The following OSBP2 variants were observed in gnomAD, a reference collection of about 807,000 sequenced individuals.
OSBP2 encodes the protein oxysterol-binding protein 2.
Under a neutral mutation model 96.0 loss-of-function variants are expected in OSBP2, and 66 were observed. The ratio of observed to expected loss-of-function variants is 0.69; its 90% CI spans 0.56 to 0.84. The LOEUF (loss-of-function observed/expected upper bound fraction) is 0.84. Ranked by LOEUF, OSBP2 falls within the 40% of genes least tolerant of loss-of-function variation. The pLI, the probability that OSBP2 is intolerant of heterozygous loss-of-function variation, is 0.00. For synonymous variants in OSBP2, 525 were observed against 520.9 expected, an observed-to-expected ratio of 1.01 and a Z score of -0.11; for missense variants, 1,038 against 1,222.7, an observed-to-expected ratio of 0.85 and a Z score of 2.25.
In OSBP2 at chr22:30,893,462, G is replaced by T; in HGVS notation, c.1991-1G>T. On this transcript the variant is annotated splice_acceptor_variant, in intron 9 of 13. Coordinates refer to ENST00000332585, the MANE Select transcript of OSBP2 (RefSeq NM_030758.4). LOFTEE classifies it high-confidence loss of function. Reference sequence around the variant, plus strand: ...ACCTCTGACCTGTCCCCTGCCTCCAGGTGCCATCCACTTAGAATTCCAGGC... The same window carrying T: ...ACCTCTGACCTGTCCCCTGCCTCCATGTGCCATCCACTTAGAATTCCAGGC... 6.2e-7 allele frequency: 1 copy of T among 1,613,444 alleles called. No individual in the cohort carries two copies. Among genetic ancestry groups the T allele is most frequent in the South Asian group, 1.1e-5 (1 of 91,062 alleles).
At chr22:30,742,585 A>G (rs1469872373) in intron 2 of OSBP2, among the ~76,000 whole-genome samples, 28 of 152,204 alleles carry the variant, frequency 1.8e-4, no homozygotes, top group Non-Finnish European at 4.4e-5. Flanking sequence ...TACTTATTTC[A>G]AAATAACTGC....
At chr22:30,872,543 GT>G in intron 3 of OSBP2, 1 of 363,300 alleles carries the variant, frequency 2.8e-6, no homozygotes, top group Admixed American at 3.5e-5. Flanking sequence ...CCTGGGGTTG[GT>G]CACGATTCCT....
chr22:30,752,726 A>C (rs2090093887), intron 2 of OSBP2, among the ~76,000 whole-genome samples: 1 of 152,174 alleles, frequency 6.6e-6, no homozygotes, highest in Non-Finnish European at 1.5e-5. Flanking sequence ...CTGGAAAAGG[A>C]AAGAGATTCT....
At chr22:30,883,030 T>A (rs952296154) in intron 3 of OSBP2, among the ~76,000 whole-genome samples, 5 of 152,158 alleles carry the variant, frequency 3.3e-5, no homozygotes, top group Admixed American at 3.3e-4. Context: ...ACATGAGGTA[T>A]ATGAAAACAA....
chr22:30,785,990 T>C lies in OSBP2; in HGVS notation c.853+44621T>C, dbSNP rs139449741. On this transcript the variant is annotated intron_variant, in intron 2 of 13. Transcript: ENST00000332585. ...TACCCAGTCTCAGGTAGTATCTTTA[T>C]AGCAATATGAGAATGGACTAATACA... Among the ~76,000 whole-genome samples the C allele has an allele frequency of 6.5e-3, 985 of 151,850 alleles. 9 individuals carry two copies. The highest frequency in any genetic ancestry group is 0.022 in the African/African-American group (922 of 41,268).
At chr22:30,868,435 C>T (rs1449121822) in intron 2 of OSBP2, among the ~76,000 whole-genome samples, 2 of 152,356 alleles carry the variant, frequency 1.3e-5, no homozygotes, top group Admixed American at 6.5e-5. Flanking sequence ...GTCTGGGGGC[C>T]GCAGTTGGGC....
chr22:30,844,253 C>T lies in OSBP2; in HGVS notation c.854-26176C>T, dbSNP rs545304403. Among the ~76,000 whole-genome samples, 46 of 152,240 alleles carry T rather than the reference C, an allele frequency of 3.0e-4. 4 individuals carry two copies. Among genetic ancestry groups the T allele is most frequent in the Admixed American group, 1.5e-3 (23 of 15,280 alleles). The stretch of plus-strand genomic sequence containing the variant: ...TTAGCTTCAACTTAAAGTCACCAGC[C>T]GCATTGTCCCCTAAGAAGAGCCAAC... On this transcript the variant is annotated intron_variant, in intron 2 of 13. Coordinates refer to ENST00000332585, the MANE Select transcript of OSBP2 (RefSeq NM_030758.4).
intron 2 of OSBP2, among the ~76,000 whole-genome samples, chr22:30,848,093 A>T (rs529856490): frequency 6.6e-6 from 1 of 152,264 alleles, no homozygotes; most frequent in South Asian, 2.1e-4. Flanking sequence ...TAGTACACAG[A>T]GTTCCATTAG....
At chr22:30,902,115 AAAAAAAAAACGAAAAAAAAAAAAC>A in intron 12 of OSBP2, 1 of 131,326 alleles carries the variant, frequency 7.6e-6, no homozygotes. Context: ...TATAAGAAAA[AAAAAAAAAACGAAAAAAAAAAAAC>A]CAAAAAAAAA....
chr22:30,772,703 G>A (rs1270024319), intron 2 of OSBP2, among the ~76,000 whole-genome samples: 1 of 152,148 alleles, frequency 6.6e-6, no homozygotes, highest in African/African-American at 2.4e-5. Flanking sequence ...GCCTCTCTTG[G>A]CCTCAGCACC....
chr22:30,713,575 C>T (rs945219574), intron 1 of OSBP2, among the ~76,000 whole-genome samples: 6 of 152,062 alleles, frequency 3.9e-5, no homozygotes, highest in South Asian at 2.1e-4. Flanking sequence ...ATCCTCCCAC[C>T]TCAGCCTCCC....
chr22:30,879,536 T>C (rs546487959), intron 3 of OSBP2, among the ~76,000 whole-genome samples: 1 of 151,982 alleles, frequency 6.6e-6, no homozygotes, highest in Non-Finnish European at 1.5e-5. Flanking sequence ...AGCGCTCCTG[T>C]GAGGAGCAGG....
In OSBP2 at chr22:30,719,412, G is replaced by T. The variant is rs979345016; in HGVS notation, c.645-21749G>T. ...AGCTGATTAGATTTTCCAGGGCCCT[G>T]GAAAAGTTGCCTGGTGTGGTGGCAG... On this transcript the variant is annotated intron_variant, in intron 1 of 13. Transcript: ENST00000332585. Among the ~76,000 whole-genome samples, 4 of 152,092 alleles carry T rather than the reference G, an allele frequency of 2.6e-5. No individual in the cohort carries two copies. The East Asian group carries it at 7.7e-4, about 29-fold the overall frequency.
At chr22:30,808,344 T>C (rs756002344) in intron 2 of OSBP2, among the ~76,000 whole-genome samples, 1 of 151,822 alleles carries the variant, frequency 6.6e-6, no homozygotes, top group Non-Finnish European at 1.5e-5. Flanking sequence ...CTACAAAAAA[T>C]GAAAATAACA....
At position 30,890,062 on chromosome 22, in the gene OSBP2, C is replaced by T. The variant is rs2039909943; in HGVS notation, c.1623+426C>T. 6.6e-6 allele frequency among the ~76,000 whole-genome samples: 1 copy of T among 152,198 alleles called. No homozygotes were observed. The highest frequency in any genetic ancestry group is 1.5e-5 in the Non-Finnish European group (1 of 68,040). ...GCTCAGAGCTTGGATCCTCATGCCA[C>T]CTGGCTACAGTGGCATCTCCACTAG... On this transcript the variant is annotated intron_variant, in intron 7 of 13. Transcript: ENST00000332585. This position sits in a 1 kb window ranked among gnomAD's most constrained non-coding sequence, Gnocchi z 4.4.
chr22:30,860,580 T>C (rs1440368076), intron 2 of OSBP2, among the ~76,000 whole-genome samples: 1 of 152,214 alleles, frequency 6.6e-6, no homozygotes, highest in Non-Finnish European at 1.5e-5. Context: ...CCTTCATGCA[T>C]CTGCCAGGCT....
At chr22:30,855,978 G>A (rs2039069328) in intron 2 of OSBP2, among the ~76,000 whole-genome samples, 1 of 152,232 alleles carries the variant, frequency 6.6e-6, no homozygotes, top group African/African-American at 2.4e-5. Context: ...CTATGTGAGG[G>A]GCCCCTGGGG....
chr22:30,738,273 C>T (rs2089885409), intron 1 of OSBP2, among the ~76,000 whole-genome samples: 1 of 152,030 alleles, frequency 6.6e-6, no homozygotes. Flanking sequence ...ACTGCCCATC[C>T]CCCTCTTATT....
intron 1 of OSBP2, among the ~76,000 whole-genome samples, chr22:30,714,330 A>G (rs530449742): frequency 1.3e-5 from 2 of 152,174 alleles, no homozygotes; most frequent in African/African-American, 2.4e-5. Flanking sequence ...GGCGGATTCC[A>G]TATCTTGGCT....
Sources: allele counts gnomAD v4.1 joint callset (sites outside exome capture counted in the v4.1 genomes callset), GRCh38; gene constraint gnomAD v4.1.1; non-coding constraint Gnocchi (gnomAD v3.1); transcripts MANE v1.5; gene names NCBI Gene and HGNC (gene_info 2026-07-23, HGNC 2026-07-21).